Variants in CFAP77 observed in about 807,000 individuals in gnomAD.
CFAP77 encodes cilia- and flagella-associated protein 77.
In CFAP77, 25 loss-of-function variants were observed where a neutral mutation model predicts 31.1. That is an observed-to-expected ratio of 0.80 (90% CI 0.59 to 1.12). The LOEUF (loss-of-function observed/expected upper bound fraction) is 1.12, where lower values mean the gene tolerates loss of function less well. Ranked by LOEUF, CFAP77 falls within the 50% of genes most tolerant of loss-of-function variation. The pLI, the probability that CFAP77 is intolerant of heterozygous loss-of-function variation, is 0.00. For synonymous variants in CFAP77, 151 were observed against 159.9 expected (o/e 0.94, Z 0.42); for missense variants, 377 against 397.3 (o/e 0.95, Z 0.44).
chr9:132,528,759 C>T (rs1276559663), intron 3 of CFAP77, among the ~76,000 whole-genome samples: 2 of 80,152 alleles, frequency 2.5e-5, no homozygotes, highest in Non-Finnish European at 5.1e-5. Context: ...TGAAGAAATG[C>T]TCATCATCAC....
chr9:132,522,729 T>C (rs944804), intron 3 of CFAP77, among the ~76,000 whole-genome samples: 68,024 of 152,106 alleles, frequency 0.45, 15,807 homozygotes, highest in East Asian at 0.77. Context: ...TAGGGCTGGG[T>C]TCTGCCCATG....
At chr9:132,454,009 C>T (rs998391217) in intron 1 of CFAP77, among the ~76,000 whole-genome samples, 5 of 152,224 alleles carry the variant, frequency 3.3e-5, no homozygotes, top group African/African-American at 4.8e-5. Context: ...AGAAGGAGGG[C>T]GGTGGCACCC....
chr9:132,429,668 C>T (rs1383632786), intron 1 of CFAP77, among the ~76,000 whole-genome samples: 2 of 149,404 alleles, frequency 1.3e-5, no homozygotes, highest in Non-Finnish European at 3.0e-5. Context: ...CACGGCGAAA[C>T]CCCGTCTCTA....
At chr9:132,557,074 T>C (rs1589924651) in intron 5 of CFAP77, among the ~76,000 whole-genome samples, 1 of 152,246 alleles carries the variant, frequency 6.6e-6, no homozygotes, top group East Asian at 1.9e-4. Flanking sequence ...TTCTCATTAT[T>C]TTCTGTCAAG....
intron 1 of CFAP77, among the ~76,000 whole-genome samples, chr9:132,447,820 C>T (rs1850752793): frequency 6.6e-6 from 1 of 152,198 alleles, no homozygotes; most frequent in Admixed American, 6.5e-5. Flanking sequence ...CCTCTCTGTA[C>T]TCAGCCCTAG....
chr9:132,460,275 G>A (rs754526708), intron 1 of CFAP77, among the ~76,000 whole-genome samples: 2 of 152,154 alleles, frequency 1.3e-5, no homozygotes, highest in African/African-American at 2.4e-5. Flanking sequence ...GAGGCACAGG[G>A]CCTTGGGTAA....
chr9:132,460,224 C>G (rs553137943), intron 1 of CFAP77, among the ~76,000 whole-genome samples: 1 of 152,256 alleles, frequency 6.6e-6, no homozygotes, highest in South Asian at 2.1e-4. Flanking sequence ...GGCAGTTCAG[C>G]GGTCAGACTG....
In CFAP77 at chr9:132,452,906, G is replaced by A. The variant is rs1850850941; in HGVS notation, c.195+42440G>A. Among the ~76,000 whole-genome samples, 5 of 152,328 alleles carry A rather than the reference G, an allele frequency of 3.3e-5. No homozygotes were observed. The South Asian group carries it at 6.2e-4, about 19-fold the overall frequency. On this transcript the variant is annotated intron_variant, in intron 1 of 5. Transcript: ENST00000393216. ...TCAAATTCTTTGACTCTAAGAAGGA[G>A]TTCCATTCCTAATATACCTGAAAAG...
Position 132,572,550 on chromosome 9 carries a change from T to G in CFAP77, c.*40T>G. 6.3e-7 allele frequency: 1 copy of G among 1,575,862 alleles called. No homozygotes were observed. The highest frequency in any genetic ancestry group is 1.7e-4 in the Middle Eastern group (1 of 5,954). On this transcript the variant is annotated 3_prime_UTR_variant, in exon 6 of 6. Coordinates refer to ENST00000393216, the MANE Select transcript of CFAP77 (RefSeq NM_001282957.2). ...GCCACAAGAAGCCATCTTGACATAGTGGAAAATTCCCAGAAGGACTCCCTA... is the reference window on the plus strand; with the variant it reads ...GCCACAAGAAGCCATCTTGACATAGGGGAAAATTCCCAGAAGGACTCCCTA...
intron 3 of CFAP77, among the ~76,000 whole-genome samples, chr9:132,523,093 T>TTC (rs1852298604): frequency 1.5e-4 from 22 of 150,670 alleles, no homozygotes; most frequent in Non-Finnish European, 1.0e-4. Context: ...TCTTTCTTTT[T>TTC]TTTTTTTTTT....
intron 1 of CFAP77, among the ~76,000 whole-genome samples, chr9:132,425,944 G>A (rs995325128): frequency 9.9e-5 from 15 of 152,248 alleles, no homozygotes; most frequent in African/African-American, 3.4e-4. Context: ...TTGAGATTTT[G>A]TCATGTTTTG....
At chr9:132,433,064 G>T (rs1589847248) in intron 1 of CFAP77, among the ~76,000 whole-genome samples, 2 of 151,810 alleles carry the variant, frequency 1.3e-5, no homozygotes, top group South Asian at 2.1e-4. Context: ...GCCCAGGCTG[G>T]TCTCAAACCC....
At chr9:132,446,710 C>T (rs914086397) in intron 1 of CFAP77, among the ~76,000 whole-genome samples, 1 of 140,396 alleles carries the variant, frequency 7.1e-6, no homozygotes, top group Non-Finnish European at 1.5e-5. Flanking sequence ...CACTGCACTC[C>T]AGCCTGGGCG....
At chr9:132,420,842 C>G (rs1260639649) in intron 1 of CFAP77, among the ~76,000 whole-genome samples, 1 of 152,096 alleles carries the variant, frequency 6.6e-6, no homozygotes, top group African/African-American at 2.4e-5. Flanking sequence ...TACAATCTAG[C>G]AGGCAGAAGC....
intron 3 of CFAP77, among the ~76,000 whole-genome samples, chr9:132,536,932 A>C (rs2119053281): frequency 6.6e-6 from 1 of 152,298 alleles, no homozygotes; most frequent in South Asian, 2.1e-4. Flanking sequence ...TGGAGCATAC[A>C]AAATGCCTAG....
intron 5 of CFAP77, among the ~76,000 whole-genome samples, chr9:132,547,756 A>G (rs1852757255): frequency 6.6e-6 from 1 of 152,180 alleles, no homozygotes; most frequent in South Asian, 2.1e-4. Context: ...ACCTTGCTTG[A>G]AGGGCGGAAG....
intron 5 of CFAP77, among the ~76,000 whole-genome samples, chr9:132,548,402 A>G (rs1852769751): frequency 6.6e-6 from 1 of 152,176 alleles, no homozygotes; most frequent in African/African-American, 2.4e-5. Flanking sequence ...TGTTTTTAAA[A>G]GATGGAGATC....
chr9:132,519,499 C>CATGG (rs768220579), intron 3 of CFAP77, among the ~76,000 whole-genome samples: 872 of 5,826 alleles, frequency 0.15, no homozygotes, highest in South Asian at 0.16. Context: ...TGGGTGGATG[C>CATGG]ATGGATGGGT....
chr9:132,535,793 A>T (rs1852531328), intron 3 of CFAP77, among the ~76,000 whole-genome samples: 1 of 152,142 alleles, frequency 6.6e-6, no homozygotes, highest in Non-Finnish European at 1.5e-5. Context: ...TTGACATACA[A>T]TTAGGTTCAT....
Sources: allele counts gnomAD v4.1 joint callset (sites outside exome capture counted in the v4.1 genomes callset), GRCh38; gene constraint gnomAD v4.1.1; transcripts MANE v1.5; gene names NCBI Gene and HGNC (gene_info 2026-07-23, HGNC 2026-07-21).